The following DNER variants were observed in gnomAD, a reference collection of about 807,000 sequenced individuals.
The protein encoded by DNER is delta and Notch-like epidermal growth factor-related receptor.
Under a neutral mutation model 78.2 loss-of-function variants are expected in DNER, and 33 were observed. The observed-to-expected ratio is 0.42, with a 90% CI of 0.32 to 0.56. The LOEUF (loss-of-function observed/expected upper bound fraction) is 0.56. Ranked by LOEUF, DNER falls within the 20% of genes least tolerant of loss-of-function variation. The pLI, the probability that DNER is intolerant of heterozygous loss-of-function variation, is 0.11. For missense variants in DNER, 918 were observed against 975.3 expected (o/e 0.94, Z 0.78); for synonymous variants, 417 against 384.8 (o/e 1.08, Z -0.98).
At chr2:229,457,819 C>T (rs1338343068) in intron 7 of DNER, among the ~76,000 whole-genome samples, 1 of 148,646 alleles carries the variant, frequency 6.7e-6, no homozygotes, top group Non-Finnish European at 1.5e-5. Context: ...TAAAAGAAAC[C>T]CACTCCAGCA....
intron 7 of DNER, among the ~76,000 whole-genome samples, chr2:229,471,500 C>T (rs1191007363): frequency 6.6e-6 from 1 of 152,154 alleles, no homozygotes; most frequent in Non-Finnish European, 1.5e-5. Context: ...ATAAACATGA[C>T]TTGAAACATG....
At chr2:229,380,849 G>A (rs957362788) in intron 11 of DNER, among the ~76,000 whole-genome samples, 4 of 151,956 alleles carry the variant, frequency 2.6e-5, no homozygotes, top group East Asian at 1.9e-4. Flanking sequence ...CACTTGAACC[G>A]AGGAGGCAGA....
In DNER at chr2:229,585,927, G is replaced by T. The variant is rs1697486605; in HGVS notation, c.778C>A (p.Pro260Thr). The T allele has an allele frequency of 6.2e-7, 1 of 1,614,084 alleles. No homozygotes were observed. Among genetic ancestry groups the T allele is most frequent in the East Asian group, 2.2e-5 (1 of 44,852 alleles). The change falls in exon 4 of 13, where the codon CCC becomes ACC. Residue 260 changes from proline (P) to threonine (T), a missense_variant. Coordinates refer to ENST00000341772, the MANE Select transcript of DNER (RefSeq NM_139072.4). Reference protein sequence around the residue: ...CSLIDGRSVTPLQASGGLVLL... With the variant: ...CSLIDGRSVTTLQASGGLVLL... ...ACCAGTCCCCCTGAAGCCTGAAGGG[G>T]GGTCACACTTCGTCCATCTATGAGG...
chr2:229,606,023 G>T lies in DNER; in HGVS notation c.277-14135C>A, dbSNP rs564364847. 2.6e-5 allele frequency among the ~76,000 whole-genome samples: 4 copies of T among 152,206 alleles called. No homozygotes were observed. The East Asian group carries it at 7.7e-4, about 29-fold the overall frequency. ...GAACTGATGGCCAGGCCCTTCTCCG[G>T]TGGAAAAAAAATTAGATAAAATTAA... On this transcript the variant is annotated intron_variant, in intron 1 of 12. Coordinates refer to ENST00000341772, the MANE Select transcript of DNER (RefSeq NM_139072.4).
intron 8 of DNER, among the ~76,000 whole-genome samples, chr2:229,439,526 G>GCTAA: frequency 6.6e-6 from 1 of 152,312 alleles, no homozygotes; most frequent in African/African-American, 2.4e-5. Flanking sequence ...TCTTCTCAAC[G>GCTAA]CTAAGCTCAG....
chr2:229,643,493 G>C (rs896833580), intron 1 of DNER, among the ~76,000 whole-genome samples: 3 of 152,220 alleles, frequency 2.0e-5, no homozygotes, highest in African/African-American at 7.2e-5. Context: ...AAGCTGCATA[G>C]CAGATAGGAG....
chr2:229,462,759 A>G (rs1287038304), intron 7 of DNER, among the ~76,000 whole-genome samples: 2 of 152,134 alleles, frequency 1.3e-5, no homozygotes, highest in Non-Finnish European at 2.9e-5. Context: ...ATAGGCTACA[A>G]GTCCTGTGGG....
chr2:229,574,544 C>A (rs1697263950), intron 4 of DNER, among the ~76,000 whole-genome samples: 1 of 152,058 alleles, frequency 6.6e-6, no homozygotes, highest in Non-Finnish European at 1.5e-5. Flanking sequence ...TGTCTATATA[C>A]ATGCACTGTC....
intron 5 of DNER, among the ~76,000 whole-genome samples, chr2:229,516,866 G>A (rs1459598826): frequency 6.6e-6 from 1 of 150,956 alleles, no homozygotes; most frequent in Non-Finnish European, 1.5e-5. Flanking sequence ...CCAGCATTTT[G>A]GGAGGCCGAG....
chr2:229,523,970 C>T (rs915595495), intron 5 of DNER, among the ~76,000 whole-genome samples: 8 of 152,198 alleles, frequency 5.3e-5, no homozygotes, highest in African/African-American at 1.4e-4. Context: ...TCAATAAATG[C>T]CAGGCATTGT....
intron 1 of DNER, among the ~76,000 whole-genome samples, chr2:229,596,667 G>C (rs1697719853): frequency 1.3e-5 from 2 of 152,204 alleles, no homozygotes; most frequent in South Asian, 4.1e-4. Context: ...GTCCCACCAG[G>C]TAAGGGGATA....
At chr2:229,418,058 T>C in intron 9 of DNER, 50 bp downstream of exon 9, 6 of 1,613,620 alleles carry the variant, frequency 3.7e-6, no homozygotes, top group East Asian at 2.2e-5. Context: ...GAGAAATACA[T>C]GACGTCATTT....
At chr2:229,407,808 G>C (rs555976139) in intron 9 of DNER, among the ~76,000 whole-genome samples, 1 of 152,188 alleles carries the variant, frequency 6.6e-6, no homozygotes, top group Non-Finnish European at 1.5e-5. Flanking sequence ...AGGGGAAGCC[G>C]TGTGATACTT....
At chr2:229,714,059 C>A in intron 1 of DNER, 89 bp downstream of exon 1, 1 of 1,171,914 alleles carries the variant, frequency 8.5e-7, no homozygotes. Context: ...TCAGGCGTGC[C>A]CATTGTCGGG....
chr2:229,542,174 C>A (rs1696528877), intron 5 of DNER, among the ~76,000 whole-genome samples: 1 of 151,868 alleles, frequency 6.6e-6, no homozygotes, highest in African/African-American at 2.4e-5. Context: ...ATTAAGGAGT[C>A]AATCACCAAT....
At position 229,397,473 on chromosome 2, in the gene DNER, A is replaced by AAAAAAAAAAAAAC. The variant is rs1559340774; in HGVS notation, c.1724-9078_1724-9077insGTTTTTTTTTTTT. On this transcript the variant is annotated intron_variant, in intron 10 of 12. Coordinates refer to ENST00000341772, the MANE Select transcript of DNER (RefSeq NM_139072.4). ...TCCAGCCAAACACTACAAAAAAAAAAAAAAAACTGCAAGTCCCCTCACCCA... is the reference window on the plus strand; with the variant it reads ...TCCAGCCAAACACTACAAAAAAAAAAAAAAAAAAAAAACAAAAAACTGCAAGTCCCCTCACCCA... Among the ~76,000 whole-genome samples, 3 of 150,746 alleles carry AAAAAAAAAAAAAC rather than the reference A, an allele frequency of 2.0e-5. 1 individual carries two copies. Among genetic ancestry groups the AAAAAAAAAAAAAC allele is most frequent in the African/African-American group, 7.3e-5 (3 of 41,178 alleles).
At chr2:229,667,133 G>A (rs993154732) in intron 1 of DNER, among the ~76,000 whole-genome samples, 4 of 152,164 alleles carry the variant, frequency 2.6e-5, no homozygotes, top group African/African-American at 4.8e-5. Context: ...AGACTCAGTG[G>A]GCAGGATTAT....
chr2:229,677,629 A>T (rs1358672411), intron 1 of DNER, among the ~76,000 whole-genome samples: 1 of 152,052 alleles, frequency 6.6e-6, no homozygotes, highest in South Asian at 2.1e-4. Flanking sequence ...ATTACAATGA[A>T]TTTTTTTTAA....
At chr2:229,608,083 A>G (rs1292221650) in intron 1 of DNER, among the ~76,000 whole-genome samples, 1 of 151,542 alleles carries the variant, frequency 6.6e-6, no homozygotes, top group Non-Finnish European at 1.5e-5. Flanking sequence ...GTGATACTTG[A>G]ATAATTGCTA....
Sources: gnomAD v4.1 joint callset for allele counts (sites outside exome capture counted in the v4.1 genomes callset) on GRCh38, gnomAD v4.1.1 for gene constraint, MANE v1.5 for transcripts, NCBI Gene and HGNC (gene_info 2026-07-23, HGNC 2026-07-21) for gene names.